The following PPP2R2C variants were observed in gnomAD, a reference collection of about 807,000 sequenced individuals.
PPP2R2C encodes the protein protein phosphatase 2 regulatory subunit Bgamma.
Under a neutral mutation model 45.3 loss-of-function variants are expected in PPP2R2C, and 10 were observed. The ratio of observed to expected loss-of-function variants is 0.22; its 90% confidence interval spans 0.14 to 0.37. The LOEUF is 0.37. PPP2R2C is among the 10% of genes least tolerant of loss of function. PPP2R2C has a pLI of 1.00. For missense variants in PPP2R2C, 308 were observed against 619.7 expected (o/e 0.50, Z 5.34); for synonymous variants, 257 against 245.4 (o/e 1.05, Z -0.44).
At chr4:6,365,281 A>T (rs1714190828) in intron 5 of PPP2R2C, among the ~76,000 whole-genome samples, 1 of 152,228 alleles carries the variant, frequency 6.6e-6, no homozygotes, top group African/African-American at 2.4e-5. Context: ...ACTCCCAGCC[A>T]TCAGTGGTAT....
At position 6,549,983 on chromosome 4, in the gene PPP2R2C, G is replaced by A. The variant is rs537006612; in HGVS notation, c.-59+13577C>T. Among the ~76,000 whole-genome samples, 3 of 152,276 alleles carry A rather than the reference G, an allele frequency of 2.0e-5. No homozygotes were observed. The East Asian group carries it at 5.8e-4, about 29-fold the overall frequency. On this transcript the variant is annotated intron_variant, in intron 1 of 9. Coordinates refer to the PPP2R2C transcript ENST00000506140. The stretch of plus-strand genomic sequence containing the variant: ...CAGCCCTCACCCTGTGCCAATAAAG[G>A]TCTGGCAGCACCACAGTGCTTTATT...
intron 1 of PPP2R2C, among the ~76,000 whole-genome samples, chr4:6,468,433 A>C (rs1721692296): frequency 6.6e-6 from 1 of 152,210 alleles, no homozygotes; most frequent in Non-Finnish European, 1.5e-5. Context: ...TTAGGAAAAC[A>C]TGGGTACATC....
At chr4:6,527,783 C>A (rs1724266049) in intron 2 of PPP2R2C, among the ~76,000 whole-genome samples, 1 of 152,058 alleles carries the variant, frequency 6.6e-6, no homozygotes, top group African/African-American at 2.4e-5. Flanking sequence ...CCCACCACCT[C>A]AGCCCATGGA....
chr4:6,511,480 GCGGTGT>G (rs1356986255), intron 2 of PPP2R2C, among the ~76,000 whole-genome samples: 17 of 96,648 alleles, frequency 1.8e-4, no homozygotes, highest in African/African-American at 6.8e-4. Flanking sequence ...GGTGGTGATG[GCGGTGT>G]TGGTGGTGAT....
Position 6,508,568 on chromosome 4 carries a change from G to A in PPP2R2C, c.49+26703C>T, listed in dbSNP as rs115182831. Among the ~76,000 whole-genome samples, 1,311 of 151,864 alleles carry A rather than the reference G, an allele frequency of 8.6e-3. 13 individuals carry two copies. Among genetic ancestry groups the A allele is most frequent in the Middle Eastern group, 0.024 (7 of 294 alleles). ...CGTGCCACTGCACTCCAGCCCTGGC[G>A]ACGGAGTGAGACTCCATCTCAAAAA... On this transcript the variant is annotated intron_variant, in intron 2 of 9. Transcript: ENST00000506140.
intron 1 of PPP2R2C, among the ~76,000 whole-genome samples, chr4:6,419,560 C>A (rs1156856508): frequency 6.6e-6 from 1 of 152,156 alleles, no homozygotes; most frequent in East Asian, 1.9e-4. Flanking sequence ...TCTGAGCCCA[C>A]ACCTCATTTT....
At chr4:6,443,450 T>C (rs548066009) in intron 1 of PPP2R2C, among the ~76,000 whole-genome samples, 1 of 152,252 alleles carries the variant, frequency 6.6e-6, no homozygotes, top group African/African-American at 2.4e-5. Flanking sequence ...GACCTGGGTG[T>C]CCTCAGGCAC....
At chr4:6,512,447 T>C (rs1723656053) in intron 2 of PPP2R2C, among the ~76,000 whole-genome samples, 1 of 120,144 alleles carries the variant, frequency 8.3e-6, no homozygotes, top group Non-Finnish European at 1.8e-5. Flanking sequence ...ATGGTGGCGG[T>C]GGTGGTGGTG....
At chr4:6,379,818 G>T (rs955293149) in intron 2 of PPP2R2C, among the ~76,000 whole-genome samples, 13 of 152,178 alleles carry the variant, frequency 8.5e-5, no homozygotes, top group Non-Finnish European at 1.5e-4. Flanking sequence ...TACACCCACA[G>T]GGTCACCGTG....
chr4:6,335,775 G>A (rs1732799043), intron 6 of PPP2R2C, among the ~76,000 whole-genome samples: 2 of 152,048 alleles, frequency 1.3e-5, no homozygotes, highest in African/African-American at 4.8e-5. Flanking sequence ...CTGCTTACAG[G>A]GCAGGAAAAG....
chr4:6,446,482 T>C lies in PPP2R2C; in HGVS notation c.70+25678A>G, dbSNP rs1473380825. 2.0e-5 allele frequency among the ~76,000 whole-genome samples: 3 copies of C among 152,162 alleles called. No homozygotes were observed. In the East Asian group the frequency reaches 5.8e-4, roughly 29 times the overall value. ...ATCACGTTGCCTCCCTGAGCCTCAGTTTCCTCATCTGTACAACGGAGATGA... is the reference window on the plus strand; with the variant it reads ...ATCACGTTGCCTCCCTGAGCCTCAGCTTCCTCATCTGTACAACGGAGATGA... On this transcript the variant is annotated intron_variant, in intron 1 of 8. Coordinates refer to ENST00000382599, the MANE Select transcript of PPP2R2C (RefSeq NM_020416.4).
chr4:6,454,631 G>A (rs1388150104), intron 1 of PPP2R2C, among the ~76,000 whole-genome samples: 1 of 152,208 alleles, frequency 6.6e-6, no homozygotes, highest in Non-Finnish European at 1.5e-5. Flanking sequence ...GCCAAGCTCT[G>A]CCCAAATTCC....
At chr4:6,349,268 G>A (rs1314883505) in intron 5 of PPP2R2C, 1 of 985,340 alleles carries the variant, frequency 1.0e-6, no homozygotes, top group Non-Finnish European at 1.2e-6. Flanking sequence ...GAGCCCTGGA[G>A]TTGGAAGGTC....
intron 5 of PPP2R2C, among the ~76,000 whole-genome samples, chr4:6,360,870 C>T (rs977486197): frequency 4.6e-5 from 7 of 152,144 alleles, no homozygotes; most frequent in South Asian, 2.1e-4. Context: ...TTCTGAGGCC[C>T]GTCTCCTCGG....
At chr4:6,511,540 GTGGTGA>G (rs1723494185) in intron 2 of PPP2R2C, among the ~76,000 whole-genome samples, 1 of 21,156 alleles carries the variant, frequency 4.7e-5, no homozygotes, top group Non-Finnish European at 1.3e-4. Context: ...GGTGGTGGTG[GTGGTGA>G]TGGTGGTGGT....
intron 8 of PPP2R2C, among the ~76,000 whole-genome samples, chr4:6,327,573 G>A (rs1446000827): frequency 6.6e-6 from 1 of 152,244 alleles, no homozygotes; most frequent in Non-Finnish European, 1.5e-5. Flanking sequence ...CCTCTCGTCC[G>A]ATTTGGATAG....
At chr4:6,419,693 C>G (rs755911021) in intron 1 of PPP2R2C, among the ~76,000 whole-genome samples, 1 of 152,170 alleles carries the variant, frequency 6.6e-6, no homozygotes, top group Non-Finnish European at 1.5e-5. Flanking sequence ...AACAATCGAA[C>G]TTTATCCTCT....
At position 6,333,663 on chromosome 4, in the gene PPP2R2C, C is replaced by T. The variant is rs781570469; in HGVS notation, c.859G>A (p.Val287Met). Reference sequence around the variant, plus strand: ...TAGCGGCCGCTGTGGCTGAACTTCACGTCGGACACGGAGGAGATGATTTCC... The same window carrying T: ...TAGCGGCCGCTGTGGCTGAACTTCATGTCGGACACGGAGGAGATGATTTCC... ...FSEIISSVSD[V>M]KFSHSGRYML... is the part of the protein sequence containing the mutation. Residue 287 changes from valine (V) to methionine (M), a missense_variant, in exon 7 of 9, where the codon GTG becomes ATG. Physicochemically the swap from Val to Met is conservative, Grantham distance 21. Transcript: ENST00000382599. 3 of 1,614,116 alleles carry T rather than the reference C, an allele frequency of 1.9e-6. No homozygotes were observed. The highest frequency in any genetic ancestry group is 1.7e-5 in the Admixed American group (1 of 60,016).
At chr4:6,509,410 A>G (rs529081692) in intron 2 of PPP2R2C, among the ~76,000 whole-genome samples, 13 of 152,190 alleles carry the variant, frequency 8.5e-5, no homozygotes, top group Middle Eastern at 3.4e-3. Context: ...ATTCAGGGGG[A>G]AAAAAAGTCG....
Sources: gnomAD v4.1 joint callset for allele counts (sites outside exome capture counted in the v4.1 genomes callset) on GRCh38, gnomAD v4.1.1 for gene constraint, MANE v1.5 for transcripts, NCBI Gene and HGNC (gene_info 2026-07-23, HGNC 2026-07-21) for gene names.